The following TCF19 variants were observed in gnomAD, a reference collection of about 807,000 sequenced individuals.
TCF19 encodes the protein transcription factor SC1.
Under a neutral mutation model 18.3 loss-of-function variants are expected in TCF19, and 9 were observed. The ratio of observed to expected loss-of-function variants is 0.49; its 90% CI spans 0.30 to 0.86. The LOEUF is 0.86. Ranked by LOEUF, TCF19 falls within the 40% of genes least tolerant of loss-of-function variation. The pLI is 0.07. For synonymous variants in TCF19, 176 were observed against 185.3 expected (o/e 0.95, Z 0.41); for missense variants, 376 against 464.3 (o/e 0.81, Z 1.75).
Position 31,163,750 on chromosome 6 carries a change from A to G in TCF19, c.*1033A>G. The G allele has an allele frequency of 1.0e-6, 1 of 985,488 alleles. No individual in the cohort carries two copies. The highest frequency in any genetic ancestry group is 1.2e-6 in the Non-Finnish European group (1 of 829,958). 61.0% of individuals were successfully genotyped at this position (985,488 alleles called of 1,614,324 possible). On this transcript the variant is annotated 3_prime_UTR_variant, in exon 4 of 4. Transcript: ENST00000376257. ...ATTGTCAAAGCATCATTTCTATAGA[A>G]ATAAAGCCTTATCTTGACCTGTTCT...
At position 31,159,300 on chromosome 6, in the gene TCF19, C is replaced by CACA. The variant is rs2151087498; in HGVS notation, c.-170_-169insACA. On this transcript the variant is annotated 5_prime_UTR_variant, in exon 2 of 4. Transcript: ENST00000376257. ...TGCATTGAGTCCTAGGCTGCTTGCA[C>CACA]TCTGAATTTGGGCTATTCAGGTAGT... The CACA allele has an allele frequency of 1.5e-6, 1 of 654,700 alleles. No homozygotes were observed. Among genetic ancestry groups the CACA allele is most frequent in the African/African-American group, 1.8e-5 (1 of 54,738 alleles). 40.6% of individuals were successfully genotyped at this position (654,700 alleles called of 1,614,324 possible). A position where few individuals can be genotyped will look rare whatever the true frequency, so the allele number is the denominator to read the frequency against.
chr6:31,161,361 C>A, intron 2 of TCF19, 86 bp from the exon 3 acceptor site: 1 of 1,135,662 alleles, frequency 8.8e-7, no homozygotes, highest in Non-Finnish European at 1.2e-6. Flanking sequence ...TATTCTTCCC[C>A]AGAAATCATA....
At position 31,163,797 on chromosome 6, in the gene TCF19, C is replaced by A; in HGVS notation, c.*1080C>A. ...TTCTATTAAAACCTGCCACACCCGC[C>A]CTTTCCTACCTAGATTTAATGAGCC... On this transcript the variant is annotated 3_prime_UTR_variant, in exon 4 of 4. Coordinates refer to ENST00000376257, the MANE Select transcript of TCF19 (RefSeq NM_007109.3). The A allele has an allele frequency of 1.0e-6, 1 of 980,478 alleles. No individual in the cohort carries two copies. Among genetic ancestry groups the A allele is most frequent in the Non-Finnish European group, 1.2e-6 (1 of 829,040 alleles). The allele number at this position is 980,478 out of a possible 1,614,324, so 60.7% of individuals were successfully genotyped here.
chr6:31,164,150 C>A lies in TCF19; in HGVS notation c.*1433C>A. On this transcript the variant is annotated 3_prime_UTR_variant, in exon 4 of 4. Coordinates refer to ENST00000376257, the MANE Select transcript of TCF19 (RefSeq NM_007109.3). ...CTGAGTCTATGGGCAAAAGTTCTTG[C>A]ATCACAGGCTTTTGGGAACTAGCCT... 9.2e-7 allele frequency: 1 copy of A among 1,088,934 alleles called. No homozygotes were observed. The highest frequency in any genetic ancestry group is 1.1e-6 in the Non-Finnish European group (1 of 892,712). 67.5% of individuals were successfully genotyped at this position (1,088,934 alleles called of 1,614,324 possible).
rs1776494107 is a variant in TCF19, at chr6:31,158,731, GA to G, written c.-574+12del. The G allele has an allele frequency of 6.6e-6, 1 of 152,374 alleles. No homozygotes were observed. 9.4% of individuals were successfully genotyped at this position (152,374 alleles called of 1,614,324 possible). A position where few individuals can be genotyped will look rare whatever the true frequency, so the allele number is the denominator to read the frequency against. On this transcript the variant is annotated intron_variant, in intron 1 of 3. Coordinates refer to ENST00000376257, the MANE Select transcript of TCF19 (RefSeq NM_007109.3). ...GAGACTGCGCCGCGCGGGTAGATCC[GA>G]AACGGGGCTGGGGCGGAGTGGGAAA...
rs888242182 is a variant in TCF19, at chr6:31,161,553, G to T, written c.345G>T (p.Ser115=). The change falls in exon 3 of 4, where the codon TCG becomes TCT. Residue 115 remains serine, a synonymous_variant. Transcript: ENST00000376257. ...AAGGGCCCCCAGGAACCAGCCCCTC[G>T]GAGTTCTACTTCATGTTCCAACAAG... ...GPEGPPGTSP[S]EFYFMFQQVR... is the part of the protein sequence containing the mutation. The T allele has an allele frequency of 1.3e-6, 2 of 1,586,632 alleles. No individual in the cohort carries two copies. Among genetic ancestry groups the T allele is most frequent in the African/African-American group, 1.4e-5 (1 of 73,522 alleles).
chr6:31,161,250 A>G (rs1776756592), intron 2 of TCF19, among the ~76,000 whole-genome samples, 197 bp from the exon 3 acceptor site: 1 of 152,190 alleles, frequency 6.6e-6, no homozygotes, highest in African/African-American at 2.4e-5. Flanking sequence ...GGAAAGCACA[A>G]GAAACACAGA....
At chr6:31,160,065 T>G (rs191757737) in intron 2 of TCF19, among the ~76,000 whole-genome samples, 23 of 152,344 alleles carry the variant, frequency 1.5e-4, no homozygotes, top group Admixed American at 1.4e-3. Flanking sequence ...ATGTTTTTAA[T>G]AATCTGGGCA....
At chr6:31,161,195 A>T (rs1166370209) in intron 2 of TCF19, among the ~76,000 whole-genome samples, 1 of 151,742 alleles carries the variant, frequency 6.6e-6, no homozygotes, top group African/African-American at 2.4e-5. Flanking sequence ...AAGAAGAAAG[A>T]AAGAAAATTG....
intron 2 of TCF19, among the ~76,000 whole-genome samples, chr6:31,160,538 G>A (rs543735709): frequency 1.3e-5 from 2 of 151,940 alleles, no homozygotes; most frequent in East Asian, 1.9e-4. Context: ...GGCAGATCAC[G>A]AGGTCAGGAG....
In TCF19 at chr6:31,162,542, G is replaced by A. The variant is rs752603765; in HGVS notation, c.863G>A (p.Gly288Asp). The change falls in exon 4 of 4, where the codon GGC becomes GAC. Residue 288 changes from glycine to aspartate, a missense_variant. Transcript: ENST00000376257. This position sits in a 1 kb window ranked among gnomAD's most constrained non-coding sequence, Gnocchi z 4.5. The stretch of plus-strand genomic sequence containing the variant: ...CCCATGGCTCCCCCTGCAGTTGGGG[G>A]CGGGGAGCCCTGTGCAGCTCCTTGT... The part of the protein sequence containing the change: ...SAPMAPPAVG[G>D]GEPCAAPCCC... 1.2e-6 allele frequency: 2 copies of A among 1,612,946 alleles called. No homozygotes were observed. The highest frequency in any genetic ancestry group is 4.5e-5 in the East Asian group (2 of 44,876).
Position 31,162,902 on chromosome 6 carries a change from A to C in TCF19, c.*185A>C. On this transcript the variant is annotated 3_prime_UTR_variant, in exon 4 of 4. Coordinates refer to ENST00000376257, the MANE Select transcript of TCF19 (RefSeq NM_007109.3). This position sits in a 1 kb window ranked among gnomAD's most constrained non-coding sequence, Gnocchi z 4.5. ...GACCCTGGTGGCCAAGACAGAAGAG[A>C]TGGTTTCCTGCCAAAGATATTGCCA... The C allele has an allele frequency of 7.1e-7, 1 of 1,407,632 alleles. No homozygotes were observed. Among genetic ancestry groups the C allele is most frequent in the South Asian group, 1.6e-5 (1 of 62,032 alleles). The allele number at this position is 1,407,632 out of a possible 1,614,324, so 87.2% of individuals were successfully genotyped here. A position where few individuals can be genotyped will look rare whatever the true frequency, so the allele number is the denominator to read the frequency against.
Position 31,164,082 on chromosome 6 carries a change from A to G in TCF19, c.*1365A>G. 9.8e-7 allele frequency: 1 copy of G among 1,019,142 alleles called. No homozygotes were observed. Among genetic ancestry groups the G allele is most frequent in the Non-Finnish European group, 1.2e-6 (1 of 849,300 alleles). The allele number at this position is 1,019,142 out of a possible 1,614,324, so 63.1% of individuals were successfully genotyped here. On this transcript the variant is annotated 3_prime_UTR_variant, in exon 4 of 4. Transcript: ENST00000376257. ...TTTAAGAATTCCAGAGTAGGGTGGGAAAGCAAAAAGCCAGCTCTGAACAGG... is the reference window on the plus strand; with the variant it reads ...TTTAAGAATTCCAGAGTAGGGTGGGGAAGCAAAAAGCCAGCTCTGAACAGG...
At position 31,159,489 on chromosome 6, in the gene TCF19, T is replaced by C; in HGVS notation, c.20T>C (p.Leu7Pro). The C allele has an allele frequency of 6.3e-7, 1 of 1,580,414 alleles. No homozygotes were observed. Among genetic ancestry groups the C allele is most frequent in the East Asian group, 2.3e-5 (1 of 43,322 alleles). Residue 7 changes from leucine to proline, a missense_variant, in exon 2 of 4, where the codon CTG becomes CCG. Leu to Pro is a moderately conservative substitution (Grantham distance 98). Transcript: ENST00000376257. MLPCFQ[L>P]LRIGGGRGGD... ...CCGCCCATGCTGCCCTGCTTCCAAC[T>C]GCTGCGCATAGGGGGCGGCAGGGGC...
At position 31,159,319 on chromosome 6, in the gene TCF19, A is replaced by T; in HGVS notation, c.-151A>T. On this transcript the variant is annotated 5_prime_UTR_variant, in exon 2 of 4. Coordinates refer to ENST00000376257, the MANE Select transcript of TCF19 (RefSeq NM_007109.3). Reference sequence around the variant, plus strand: ...CTTGCACTCTGAATTTGGGCTATTCAGGTAGTGTGCTCAAAGTTGAAACCG... The same window carrying T: ...CTTGCACTCTGAATTTGGGCTATTCTGGTAGTGTGCTCAAAGTTGAAACCG... 1 of 720,852 alleles carries T rather than the reference A, an allele frequency of 1.4e-6. No homozygotes were observed. Among genetic ancestry groups the T allele is most frequent in the Non-Finnish European group, 2.3e-6 (1 of 435,192 alleles). The allele number at this position is 720,852 out of a possible 1,614,324, so 44.7% of individuals were successfully genotyped here.
chr6:31,160,383 T>C (rs1776684102), intron 2 of TCF19, among the ~76,000 whole-genome samples: 1 of 151,796 alleles, frequency 6.6e-6, no homozygotes, highest in African/African-American at 2.4e-5. Flanking sequence ...TAAGGCAGGG[T>C]GGATCACTTG....
chr6:31,159,361 A>G lies in TCF19; in HGVS notation c.-109A>G. ...TTGAAACCGCATACAGCACAACTCA[A>G]GTTTGCATCAGACTGGGAAGCGAAC... is the stretch of plus-strand genomic sequence containing the variant. On this transcript the variant is annotated 5_prime_UTR_variant, in exon 2 of 4. Transcript: ENST00000376257. The G allele has an allele frequency of 9.9e-7, 1 of 1,012,134 alleles. No homozygotes were observed. The highest frequency in any genetic ancestry group is 1.4e-6 in the Non-Finnish European group (1 of 698,220). The allele number at this position is 1,012,134 out of a possible 1,614,324, so 62.7% of individuals were successfully genotyped here. A position where few individuals can be genotyped will look rare whatever the true frequency, so the allele number is the denominator to read the frequency against.
chr6:31,163,019 C>G lies in TCF19; in HGVS notation c.*302C>G. ...GACACCAGAATATCTGTAGTCAGAG[C>G]ACCTATCAGTTGCAAAAGCCATGCC... On this transcript the variant is annotated 3_prime_UTR_variant, in exon 4 of 4. Transcript: ENST00000376257. 3 of 1,256,256 alleles carry G rather than the reference C, an allele frequency of 2.4e-6. No homozygotes were observed. Among genetic ancestry groups the G allele is most frequent in the Non-Finnish European group, 1.0e-6 (1 of 998,976 alleles). The allele number at this position is 1,256,256 out of a possible 1,614,324, so 77.8% of individuals were successfully genotyped here.
intron 2 of TCF19, 56 bp from the exon 3 acceptor site, chr6:31,161,391 C>T: frequency 1.5e-6 from 2 of 1,308,696 alleles, no homozygotes; most frequent in Non-Finnish European, 2.0e-6. Flanking sequence ...CCACTCCTGA[C>T]TCTGGTCATT....
Sources: allele counts gnomAD v4.1 joint callset (sites outside exome capture counted in the v4.1 genomes callset), GRCh38; gene constraint gnomAD v4.1.1; non-coding constraint Gnocchi (gnomAD v3.1); transcripts MANE v1.5; gene names NCBI Gene and HGNC (gene_info 2026-07-23, HGNC 2026-07-21).